ZNF773: variants seen among roughly 807,000 people sequenced by gnomAD.
ZNF773 encodes zinc finger protein 419B.
Under a neutral mutation model 12.8 loss-of-function variants are expected in ZNF773, and 11 were observed. That is an observed-to-expected ratio of 0.86 (90% CI 0.54 to 1.42). The LOEUF (loss-of-function observed/expected upper bound fraction) is 1.42. ZNF773 is among the 40% of genes most tolerant of loss of function. The probability of loss-of-function intolerance (pLI) is 0.00; values close to 1 mark genes in which losing one functional copy is unlikely to be tolerated. For missense variants in ZNF773, 518 were observed against 527.2 expected (o/e 0.98, Z 0.17); for synonymous variants, 175 against 178.4 (o/e 0.98, Z 0.15).
chr19:57,513,050 C>T (rs769577046), downstream of ZNF773: 26 of 1,556,936 alleles, frequency 1.7e-5, no homozygotes, highest in East Asian at 7.6e-5. Context: ...AAGTGGCGCC[C>T]GAACAGGGAC....
chr19:57,506,239 C>A, intron 3 of ZNF773, 119 bp from the exon 4 acceptor site: 1 of 1,480,362 alleles, frequency 6.8e-7, no homozygotes, highest in South Asian at 1.4e-5. Context: ...CAAGCGCTAG[C>A]CCCCTCATTC....
At chr19:57,504,134 C>G (rs1224779988) in intron 1 of ZNF773, among the ~76,000 whole-genome samples, 4 of 152,124 alleles carry the variant, frequency 2.6e-5, no homozygotes, top group Non-Finnish European at 5.9e-5. Context: ...CTGAGGGTTG[C>G]CCCTGGTAGT....
At chr19:57,504,227 TGTG>T (rs1175293157) in intron 1 of ZNF773, among the ~76,000 whole-genome samples, 4 of 152,112 alleles carry the variant, frequency 2.6e-5, no homozygotes, top group African/African-American at 9.7e-5. Context: ...TAGACTAGAA[TGTG>T]GTGACGCTAG....
chr19:57,509,697 C>CA (rs1205519303), downstream of ZNF773, among the ~76,000 whole-genome samples: 2 of 152,154 alleles, frequency 1.3e-5, no homozygotes, highest in Admixed American at 6.5e-5. Flanking sequence ...GGGTGAAAAT[C>CA]AAAGTGTTGG....
chr19:57,501,530 T>C (rs2089670578), intron 1 of ZNF773, among the ~76,000 whole-genome samples: 1 of 152,156 alleles, frequency 6.6e-6, no homozygotes, highest in South Asian at 2.1e-4. Context: ...GTGAATACCA[T>C]TATTGCCATG....
chr19:57,505,854 C>T lies in ZNF773; in HGVS notation c.262+454C>T, dbSNP rs1279866556. On this transcript the variant is annotated intron_variant, in intron 3 of 3. Transcript: ENST00000282292. ...GCCTCCTAGTAGCCAGGACTACAGG[C>T]GCCCGCCACCATGCCTGGCTAATTT... 2.6e-5 allele frequency among the ~76,000 whole-genome samples: 4 copies of T among 151,866 alleles called. No individual in the cohort carries two copies. In the South Asian group the frequency reaches 8.3e-4, roughly 32 times the overall value.
At chr19:57,515,424 C>T (rs1048306886), downstream of ZNF773, 1 of 152,260 alleles carries the variant, frequency 6.6e-6, no homozygotes, top group East Asian at 1.9e-4. Flanking sequence ...ACTTGCCAGC[C>T]TGTCCCTGGC....
downstream of ZNF773, chr19:57,513,488 G>A (rs151326447): frequency 9.0e-3 from 1,373 of 153,374 alleles, 26 homozygotes; most frequent in African/African-American, 0.03. Flanking sequence ...GCTTAGGAAA[G>A]TCCCTACAGG....
At chr19:57,514,432 C>T (rs961246550), downstream of ZNF773, 1 of 152,162 alleles carries the variant, frequency 6.6e-6, no homozygotes, top group Admixed American at 6.5e-5. Context: ...TCATTAGACT[C>T]TCCTCGGCAA....
intron 3 of ZNF773, 64 bp downstream of exon 3, chr19:57,505,464 T>C (rs1284574630): frequency 5.3e-5 from 83 of 1,564,940 alleles, no homozygotes; most frequent in African/African-American, 1.2e-4. Context: ...ATACCAGGAG[T>C]CTTTCCAGTG....
At chr19:57,508,360 T>C, downstream of ZNF773, 4 of 457,202 alleles carry the variant, frequency 8.7e-6, no homozygotes, top group Non-Finnish European at 1.2e-5. Context: ...TTAATCTCAC[T>C]GAGTTTGGAG....
At position 57,506,639 on chromosome 19, in the gene ZNF773, G is replaced by A; in HGVS notation, c.544G>A (p.Glu182Lys). ...EKSHRSSKSR[E>K]AFHAGKRHYK... is the part of the protein sequence containing the mutation. Reference sequence around the variant, plus strand: ...GTCACATAGGAGCTCCAAAAGTAGGGAGGCCTTTCATGCTGGAAAAAGGCA... The same window carrying A: ...GTCACATAGGAGCTCCAAAAGTAGGAAGGCCTTTCATGCTGGAAAAAGGCA... Residue 182 changes from glutamate (E) to lysine (K), a missense_variant, in exon 4 of 4, where the codon GAG (glutamate) becomes AAG (lysine). Coordinates refer to ENST00000282292, the MANE Select transcript of ZNF773 (RefSeq NM_198542.3). The A allele has an allele frequency of 1.2e-6, 2 of 1,614,234 alleles. No homozygotes were observed. Among genetic ancestry groups the A allele is most frequent in the Non-Finnish European group, 1.7e-6 (2 of 1,180,042 alleles).
chr19:57,504,914 A>G (rs1369152909), intron 2 of ZNF773, 128 bp downstream of exon 2: 4 of 1,315,228 alleles, frequency 3.0e-6, no homozygotes, highest in Non-Finnish European at 4.3e-6. Context: ...ATCCTGAAGT[A>G]GCTATTGTAA....
Position 57,507,720 on chromosome 19 carries a change from T to C in ZNF773, c.*296T>C. On this transcript the variant is annotated 3_prime_UTR_variant, in exon 4 of 4. Transcript: ENST00000282292. ...CAGGCGTGGTGGCTGACACCTGTTA[T>C]TCTCACCACTTTGGGAGGCTGAAGC... 8.5e-7 allele frequency: 1 copy of C among 1,175,430 alleles called. No homozygotes were observed. The highest frequency in any genetic ancestry group is 3.2e-5 in the South Asian group (1 of 31,402). The allele number at this position is 1,175,430 out of a possible 1,614,324, so 72.8% of individuals were successfully genotyped here.
chr19:57,506,643 C>T lies in ZNF773; in HGVS notation c.548C>T (p.Ala183Val), dbSNP rs773873376. ...CATAGGAGCTCCAAAAGTAGGGAGG[C>T]CTTTCATGCTGGAAAAAGGCATTAC... ...KSHRSSKSRE[A>V]FHAGKRHYKC... Residue 183 changes from alanine to valine, a missense_variant, in exon 4 of 4, where the codon GCC becomes GTC. Transcript: ENST00000282292. 14 of 1,614,180 alleles carry T rather than the reference C, an allele frequency of 8.7e-6. No individual in the cohort carries two copies. The highest frequency in any genetic ancestry group is 1.2e-5 in the Non-Finnish European group (14 of 1,180,036).
In ZNF773 at chr19:57,505,388, G is replaced by A. The variant is rs768232488; in HGVS notation, c.250G>A (p.Ala84Thr). ...FMPAWEVVTS[A>T]ILRGSWQGAK... ...GCCTGCTTGGGAAGTTGTGACTTCA[G>A]CCATACTGAGAGGTACTTGGTGGGT... Residue 84 changes from alanine (A) to threonine (T), a missense_variant, in exon 3 of 4, where the codon GCC becomes ACC. Physicochemically the swap from Ala to Thr is moderately conservative, Grantham distance 58. Coordinates refer to ENST00000282292, the MANE Select transcript of ZNF773 (RefSeq NM_198542.3). 1 of 1,614,148 alleles carries A rather than the reference G, an allele frequency of 6.2e-7. No homozygotes were observed. Among genetic ancestry groups the A allele is most frequent in the Non-Finnish European group, 8.5e-7 (1 of 1,180,018 alleles).
downstream of ZNF773, among the ~76,000 whole-genome samples, chr19:57,512,435 C>G (rs917469961): frequency 2.9e-4 from 37 of 127,004 alleles, no homozygotes; most frequent in Non-Finnish European, 4.7e-4. Flanking sequence ...GATGGAGTCT[C>G]TCTCTGTCAC....
At chr19:57,508,673 A>G, downstream of ZNF773, 2 of 625,976 alleles carry the variant, frequency 3.2e-6, no homozygotes, top group East Asian at 2.7e-5. Flanking sequence ...ATTTCTTCAT[A>G]TTACTGACAG....
chr19:57,510,659 G>C (rs929710095), downstream of ZNF773, among the ~76,000 whole-genome samples: 6 of 151,592 alleles, frequency 4.0e-5, no homozygotes, highest in Non-Finnish European at 7.4e-5. Flanking sequence ...AGATAAAAAG[G>C]CCAGTGTATA....
Sources: allele counts gnomAD v4.1 joint callset (sites outside exome capture counted in the v4.1 genomes callset), GRCh38; gene constraint gnomAD v4.1.1; transcripts MANE v1.5; gene names NCBI Gene and HGNC (gene_info 2026-07-23, HGNC 2026-07-21).